Variants in PTPRT observed in about 807,000 individuals in gnomAD.
The protein encoded by PTPRT is receptor-type tyrosine-protein phosphatase T.
A neutral mutation model predicts 176.8 loss-of-function variants in PTPRT; 56 were observed. The ratio of observed to expected loss-of-function variants is 0.32; its 90% CI spans 0.26 to 0.40. PTPRT has a LOEUF of 0.40. Ranked by LOEUF, PTPRT falls within the 10% of genes least tolerant of loss-of-function variation. The pLI, the probability that PTPRT is intolerant of heterozygous loss-of-function variation, is 1.00. For missense variants in PTPRT, 1,540 were observed against 1,908.2 expected (o/e 0.81, Z 3.60); for synonymous variants, 783 against 739.0 (o/e 1.06, Z -0.96).
chr20:42,166,359 C>T (rs1989824552), intron 16 of PTPRT, among the ~76,000 whole-genome samples: 1 of 152,182 alleles, frequency 6.6e-6, no homozygotes, highest in Non-Finnish European at 1.5e-5. Flanking sequence ...CTATTGAGCA[C>T]TTTGAAATGT....
At chr20:43,066,147 A>G (rs1359082073) in intron 1 of PTPRT, among the ~76,000 whole-genome samples, 1 of 152,148 alleles carries the variant, frequency 6.6e-6, no homozygotes, top group Non-Finnish European at 1.5e-5. Context: ...CCAAATTTAC[A>G]TAAACTATAC....
rs144183581 is a variant in PTPRT at position 42,961,548 on chromosome 20, C to T, written c.89-75616G>A. 3.4e-3 allele frequency among the ~76,000 whole-genome samples: 521 copies of T among 152,284 alleles called. 6 individuals are homozygous for T. Among genetic ancestry groups the T allele is most frequent in the African/African-American group, 0.011 (441 of 41,544 alleles). On this transcript the variant is annotated intron_variant, in intron 1 of 30. Transcript: ENST00000373187. ...ACACAATGTTATTCCACATCACAGACGCTTCACAGAAATGAGCAAAGATGT... is the reference window on the plus strand; with the variant it reads ...ACACAATGTTATTCCACATCACAGATGCTTCACAGAAATGAGCAAAGATGT...
chr20:42,940,490 G>C (rs568547874), intron 1 of PTPRT, among the ~76,000 whole-genome samples: 1 of 152,294 alleles, frequency 6.6e-6, no homozygotes, highest in South Asian at 2.1e-4. Flanking sequence ...AATCCAAAAA[G>C]ACAGGATAGA....
intron 1 of PTPRT, among the ~76,000 whole-genome samples, chr20:43,031,266 A>G (rs1269183837): frequency 2.0e-5 from 3 of 152,162 alleles, no homozygotes; most frequent in African/African-American, 7.2e-5. Flanking sequence ...CAGCTGGGGC[A>G]GTGAGTGCCT....
At chr20:42,912,129 C>G (rs1480760497) in intron 1 of PTPRT, among the ~76,000 whole-genome samples, 1 of 152,084 alleles carries the variant, frequency 6.6e-6, no homozygotes, top group Non-Finnish European at 1.5e-5. Flanking sequence ...TACAGTCAAA[C>G]CATCTTCCAG....
intron 16 of PTPRT, among the ~76,000 whole-genome samples, chr20:42,163,512 C>T (rs1989699242): frequency 6.6e-6 from 1 of 152,200 alleles, no homozygotes; most frequent in Non-Finnish European, 1.5e-5. Context: ...TTCCCTTTCT[C>T]CATCAACCCC....
chr20:42,743,625 T>C (rs1213675857), intron 6 of PTPRT, among the ~76,000 whole-genome samples: 1 of 152,210 alleles, frequency 6.6e-6, no homozygotes, highest in Non-Finnish European at 1.5e-5. Context: ...TAAGTCTAAT[T>C]AGCAGGAGAA....
rs139702055 is a variant in PTPRT at position 42,443,074 on chromosome 20, T to G, written c.1560+5146A>C. Among the ~76,000 whole-genome samples the G allele has an allele frequency of 2.0e-3, 306 of 152,324 alleles. 1 individual carries two copies. Among genetic ancestry groups the G allele is most frequent in the Non-Finnish European group, 3.4e-3 (230 of 68,040 alleles). On this transcript the variant is annotated intron_variant, in intron 9 of 30. Transcript: ENST00000373187. ...GATGTCATGATTTCCATATTCCTGA[T>G]GTAAATATTGTTTAGACGTCAGGTG...
chr20:42,851,610 C>T (rs2078472201), intron 2 of PTPRT, among the ~76,000 whole-genome samples: 1 of 152,188 alleles, frequency 6.6e-6, no homozygotes, highest in Non-Finnish European at 1.5e-5. Flanking sequence ...AGCTCAAGTT[C>T]CTGCTCTCCA....
At chr20:43,055,328 T>C (rs1334139178) in intron 1 of PTPRT, among the ~76,000 whole-genome samples, 1 of 152,106 alleles carries the variant, frequency 6.6e-6, no homozygotes, top group East Asian at 1.9e-4. Flanking sequence ...AGCACATAAG[T>C]TTAGCTTGGC....
chr20:42,794,514 C>G (rs2077424952), intron 2 of PTPRT, among the ~76,000 whole-genome samples: 1 of 152,106 alleles, frequency 6.6e-6, no homozygotes, highest in East Asian at 1.9e-4. Flanking sequence ...TTCTATTTTC[C>G]CATCTACCAG....
chr20:42,809,616 G>C (rs543044652), intron 2 of PTPRT, among the ~76,000 whole-genome samples: 4 of 152,176 alleles, frequency 2.6e-5, no homozygotes, highest in Non-Finnish European at 4.4e-5. Flanking sequence ...GCAGGGCCGT[G>C]GGGGAAGTCT....
intron 8 of PTPRT, among the ~76,000 whole-genome samples, chr20:42,460,715 G>A (rs565528430): frequency 3.3e-4 from 51 of 152,282 alleles, no homozygotes; most frequent in Middle Eastern, 3.4e-3. Context: ...TTTCTCCAAC[G>A]TTCATTCTCC....
chr20:42,389,086 C>G lies in PTPRT; in HGVS notation c.1561-36801G>C, dbSNP rs577751418. On this transcript the variant is annotated intron_variant, in intron 9 of 30. Coordinates refer to ENST00000373187, the MANE Select transcript of PTPRT (RefSeq NM_007050.6). The stretch of plus-strand genomic sequence containing the variant: ...GTGGGAATTGAACAATGAGAACACT[C>G]GGACACAGGAAGGGGAACATCACAC... 6.4e-5 allele frequency among the ~76,000 whole-genome samples: 9 copies of G among 141,644 alleles called. No homozygotes were observed. The South Asian group carries it at 1.5e-3, about 24-fold the overall frequency. The allele number at this position is 141,644 out of a possible 152,430, so 92.9% of individuals were successfully genotyped here. A position where few individuals can be genotyped will look rare whatever the true frequency, so the allele number is the denominator to read the frequency against.
chr20:42,566,407 A>G (rs540785130), intron 7 of PTPRT, among the ~76,000 whole-genome samples: 1 of 152,258 alleles, frequency 6.6e-6, no homozygotes, highest in African/African-American at 2.4e-5. Context: ...AAGTTCTGGG[A>G]TTACAGGCAC....
At chr20:43,172,453 A>T (rs967503788) in intron 1 of PTPRT, among the ~76,000 whole-genome samples, 10 of 152,222 alleles carry the variant, frequency 6.6e-5, no homozygotes, top group African/African-American at 2.4e-4. Context: ...TGACCGACTC[A>T]TCCTGATTTG....
At chr20:42,983,559 A>G (rs1347065590) in intron 1 of PTPRT, among the ~76,000 whole-genome samples, 2 of 152,204 alleles carry the variant, frequency 1.3e-5, no homozygotes, top group Non-Finnish European at 2.9e-5. Flanking sequence ...AGCTGGGCAC[A>G]TGACACCAGC....
intron 13 of PTPRT, among the ~76,000 whole-genome samples, chr20:42,269,407 T>C (rs1056850939): frequency 6.6e-6 from 1 of 152,206 alleles, no homozygotes; most frequent in East Asian, 1.9e-4. Flanking sequence ...CCGGAGGCCA[T>C]TGTCTGGGCA....
At chr20:43,017,182 T>C (rs184117532) in intron 1 of PTPRT, among the ~76,000 whole-genome samples, 31 of 152,378 alleles carry the variant, frequency 2.0e-4, no homozygotes, top group Admixed American at 1.8e-3. Flanking sequence ...TGAAACATTA[T>C]TGACAAGAAC....
Sources: allele counts gnomAD v4.1 joint callset (sites outside exome capture counted in the v4.1 genomes callset), GRCh38; gene constraint gnomAD v4.1.1; transcripts MANE v1.5; gene names NCBI Gene and HGNC (gene_info 2026-07-23, HGNC 2026-07-21).